Variants in TFDP2 observed in about 807,000 individuals in gnomAD.
TFDP2 encodes the protein transcription factor Dp-2 (E2F dimerization partner 2).
A neutral mutation model predicts 59.3 loss-of-function variants in TFDP2; 17 were observed. That is an observed-to-expected ratio of 0.29 (90% CI 0.20 to 0.43). TFDP2 has a LOEUF of 0.43. Ranked by LOEUF, TFDP2 falls within the 20% of genes least tolerant of loss-of-function variation. The probability of loss-of-function intolerance (pLI) is 1.00; values close to 1 mark genes in which losing one functional copy is unlikely to be tolerated. For missense variants in TFDP2, 391 were observed against 528.8 expected (o/e 0.74, Z 2.56); for synonymous variants, 180 against 194.7 (o/e 0.92, Z 0.63).
At chr3:142,089,770 TA>T (rs1189958378) in intron 3 of TFDP2, among the ~76,000 whole-genome samples, 5 of 152,074 alleles carry the variant, frequency 3.3e-5, no homozygotes, top group Non-Finnish European at 7.4e-5. Flanking sequence ...AAGGTATTTA[TA>T]AATGTGAAAA....
chr3:141,962,455 T>C (rs1937484077), intron 10 of TFDP2, among the ~76,000 whole-genome samples: 1 of 151,682 alleles, frequency 6.6e-6, no homozygotes. Context: ...GCCTCCCAGG[T>C]TCAAGCGTTT....
intron 3 of TFDP2, among the ~76,000 whole-genome samples, chr3:142,075,734 GAAAAAAAAAA>G (rs530375441): frequency 6.4e-4 from 29 of 45,520 alleles, no homozygotes; most frequent in African/African-American, 1.2e-3. Context: ...TGTCTCTACA[GAAAAAAAAAA>G]AAAAAAAAAA....
At position 142,134,757 on chromosome 3, in the gene TFDP2, T is replaced by C. The variant is rs180985904; in HGVS notation, c.-93+14426A>G. ...TAATATTAACACATAGATAGGTAGATAGAAAGACAACAGACAAACCTAGAT... is the reference window on the plus strand; with the variant it reads ...TAATATTAACACATAGATAGGTAGACAGAAAGACAACAGACAAACCTAGAT... On this transcript the variant is annotated intron_variant, in intron 1 of 12. Coordinates refer to ENST00000489671, the MANE Select transcript of TFDP2 (RefSeq NM_001178139.2). Among the ~76,000 whole-genome samples the C allele has an allele frequency of 9.4e-4, 143 of 152,186 alleles. 1 individual carries two copies. Among genetic ancestry groups the C allele is most frequent in the African/African-American group, 3.3e-3 (138 of 41,560 alleles).
At chr3:142,093,514 A>G (rs1299912648) in intron 2 of TFDP2, among the ~76,000 whole-genome samples, 25 of 152,082 alleles carry the variant, frequency 1.6e-4, no homozygotes, top group Non-Finnish European at 3.5e-4. Context: ...ATGAAATACT[A>G]TTACTTATGA....
chr3:142,090,306 C>T (rs1325003775), intron 3 of TFDP2, among the ~76,000 whole-genome samples: 3 of 152,166 alleles, frequency 2.0e-5, no homozygotes, highest in Admixed American at 6.5e-5. Flanking sequence ...ATAGCTATTT[C>T]AAAATCTGAT....
intron 3 of TFDP2, among the ~76,000 whole-genome samples, chr3:142,055,752 G>A (rs1306744316): frequency 2.6e-5 from 4 of 151,922 alleles, no homozygotes; most frequent in Admixed American, 2.0e-4. Context: ...CTACCAGAGG[G>A]GAACCTGAAG....
At chr3:141,976,721 A>T (rs549360071) in intron 7 of TFDP2, among the ~76,000 whole-genome samples, 2 of 152,222 alleles carry the variant, frequency 1.3e-5, no homozygotes, top group African/African-American at 4.8e-5. Flanking sequence ...GCAAGCTCAC[A>T]AAGGGGCTTG....
chr3:141,966,259 G>A (rs558713392), intron 9 of TFDP2, among the ~76,000 whole-genome samples: 2 of 151,868 alleles, frequency 1.3e-5, no homozygotes, highest in African/African-American at 2.4e-5. Flanking sequence ...TGCAACCTCC[G>A]CCTCCCAGGT....
chr3:142,049,833 CAT>C (rs1947521267), intron 3 of TFDP2, among the ~76,000 whole-genome samples: 1 of 151,982 alleles, frequency 6.6e-6, no homozygotes, highest in African/African-American at 2.4e-5. Context: ...AAATTTTAAA[CAT>C]ATTATTTACA....
intron 2 of TFDP2, among the ~76,000 whole-genome samples, chr3:142,097,769 T>C (rs1440588731): frequency 6.6e-6 from 1 of 152,100 alleles, no homozygotes; most frequent in Admixed American, 6.5e-5. Flanking sequence ...AGAAATTAAA[T>C]AGTAGCCAGG....
chr3:141,999,297 T>A (rs1943554590), intron 4 of TFDP2, among the ~76,000 whole-genome samples: 1 of 152,258 alleles, frequency 6.6e-6, no homozygotes, highest in South Asian at 2.1e-4. Flanking sequence ...AAGAATACAG[T>A]ATACAATACA....
chr3:141,968,574 C>CAT lies in TFDP2; in HGVS notation c.732+1497_732+1498dup, dbSNP rs1199926307. Among the ~76,000 whole-genome samples the CAT allele has an allele frequency of 6.2e-4, 61 of 98,242 alleles. 1 individual carries two copies. Among genetic ancestry groups the CAT allele is most frequent in the South Asian group, 9.0e-4 (3 of 3,344 alleles). 64.5% of individuals were successfully genotyped at this position (98,242 alleles called of 152,430 possible). ...ATCTCATATATATAGATATATATAA[C>CAT]ATATATATCTCATATATAGATATAT... is the stretch of plus-strand genomic sequence containing the variant. On this transcript the variant is annotated intron_variant, in intron 9 of 12. Coordinates refer to ENST00000489671, the MANE Select transcript of TFDP2 (RefSeq NM_001178139.2).
In TFDP2 at chr3:142,123,171, G is replaced by A. The variant is rs1043725956; in HGVS notation, c.-92-21330C>T. 5.3e-5 allele frequency among the ~76,000 whole-genome samples: 8 copies of A among 152,078 alleles called. No individual in the cohort carries two copies. In the East Asian group the frequency reaches 5.8e-4, roughly 11 times the overall value. On this transcript the variant is annotated intron_variant, in intron 1 of 12. Transcript: ENST00000489671. ...TTTGAGACGGAGTCTCACTCTGACC[G>A]ACGCCCAGGCTGGAGTACAGCGGCA...
At chr3:142,065,108 A>T (rs762482314) in intron 3 of TFDP2, among the ~76,000 whole-genome samples, 4 of 152,102 alleles carry the variant, frequency 2.6e-5, no homozygotes, top group Non-Finnish European at 5.9e-5. Flanking sequence ...ACTGGTCAAT[A>T]AATAAAATTA....
In TFDP2 at chr3:141,970,158, A is replaced by G; in HGVS notation, c.664-17T>C. 1 of 1,611,404 alleles carries G rather than the reference A, an allele frequency of 6.2e-7. No homozygotes were observed. Among genetic ancestry groups the G allele is most frequent in the Non-Finnish European group, 8.5e-7 (1 of 1,177,490 alleles). On this transcript the variant is annotated splice_polypyrimidine_tract_variant and intron_variant, in intron 8 of 12. Coordinates refer to ENST00000489671, the MANE Select transcript of TFDP2 (RefSeq NM_001178139.2). Reference sequence around the variant, plus strand: ...CTTCTCTATCTTTAAAACATTGGTTACAAAATAATATGAACATAGGTAGAC... The same window carrying G: ...CTTCTCTATCTTTAAAACATTGGTTGCAAAATAATATGAACATAGGTAGAC...
intron 8 of TFDP2, among the ~76,000 whole-genome samples, chr3:141,971,374 TAAAAA>T (rs56219575): frequency 1.2e-4 from 10 of 80,004 alleles, no homozygotes; most frequent in African/African-American, 1.9e-4. Context: ...TCGTCTCTAC[TAAAAA>T]AAAAAAAAAA....
At position 142,112,385 on chromosome 3, in the gene TFDP2, G is replaced by A. The variant is rs1217621849; in HGVS notation, c.-92-10544C>T. 3.3e-5 allele frequency among the ~76,000 whole-genome samples: 5 copies of A among 152,034 alleles called. No homozygotes were observed. In the South Asian group the frequency reaches 6.2e-4, roughly 19 times the overall value. On this transcript the variant is annotated intron_variant, in intron 1 of 12. Transcript: ENST00000489671. Reference sequence around the variant, plus strand: ...CAAAAAAAATTCCCCAGAGCTCAACGCAGCTTTCACAAAACCATGTACTAG... The same window carrying A: ...CAAAAAAAATTCCCCAGAGCTCAACACAGCTTTCACAAAACCATGTACTAG...
chr3:142,058,908 T>C (rs1274072116), intron 3 of TFDP2, among the ~76,000 whole-genome samples: 1 of 152,136 alleles, frequency 6.6e-6, no homozygotes, highest in African/African-American at 2.4e-5. Flanking sequence ...AAGTCAGAGG[T>C]GGGGTTGAAA....
At chr3:142,012,805 A>G (rs1944826001) in intron 3 of TFDP2, among the ~76,000 whole-genome samples, 1 of 152,186 alleles carries the variant, frequency 6.6e-6, no homozygotes, top group Non-Finnish European at 1.5e-5. Context: ...TTATTTAAAA[A>G]AACATTTTAT....
Sources: allele counts gnomAD v4.1 joint callset (sites outside exome capture counted in the v4.1 genomes callset), GRCh38; gene constraint gnomAD v4.1.1; transcripts MANE v1.5; gene names NCBI Gene and HGNC (gene_info 2026-07-23, HGNC 2026-07-21).